Variants in JAKMIP1 observed in about 807,000 individuals in gnomAD.
JAKMIP1 encodes the protein janus kinase and microtubule interacting protein 1.
In JAKMIP1, 33 loss-of-function variants were observed where a neutral mutation model predicts 113.0. The observed-to-expected ratio is 0.29, with a 90% CI of 0.22 to 0.39. The LOEUF (loss-of-function observed/expected upper bound fraction) is 0.39, where lower values mean the gene tolerates loss of function less well. Among genes scored for constraint, JAKMIP1 ranks in the 10% least tolerant of loss-of-function variants. The probability of loss-of-function intolerance (pLI) is 1.00; values close to 1 mark genes in which losing one functional copy is unlikely to be tolerated. For synonymous variants in JAKMIP1, 480 were observed against 459.9 expected, an observed-to-expected ratio of 1.04 and a Z score of -0.56; for missense variants, 813 against 1,080.5, an observed-to-expected ratio of 0.75 and a Z score of 3.47.
chr4:6,161,181 C>T (rs1216863557), intron 1 of JAKMIP1, among the ~76,000 whole-genome samples: 1 of 147,908 alleles, frequency 6.8e-6, no homozygotes, highest in Admixed American at 6.7e-5. Flanking sequence ...TCTCCACTCA[C>T]CTCCCCTGAT....
In JAKMIP1 at chr4:6,150,438, T is replaced by C. The variant is rs1721429126; in HGVS notation, c.-147-37441A>G. On this transcript the variant is annotated intron_variant, in intron 1 of 20. Coordinates refer to ENST00000409021, the MANE Select transcript of JAKMIP1 (RefSeq NM_001099433.2). The surrounding 1 kb of genome is among the most constrained non-coding windows in gnomAD (Gnocchi z 4.8). ...GCTTCTCAAGGACAGTGTCCACGGT[T>C]CATCCACCTCTACGTCCCCAGGGCC... The C allele has an allele frequency of 6.6e-6, 1 of 152,252 alleles. No homozygotes were observed. 9.4% of individuals were successfully genotyped at this position (152,252 alleles called of 1,614,324 possible).
chr4:6,149,746 C>G (rs1425467682), intron 1 of JAKMIP1, among the ~76,000 whole-genome samples: 1 of 152,142 alleles, frequency 6.6e-6, no homozygotes. Context: ...GACCCCCCAC[C>G]AGCACAGAGC....
chr4:6,130,497 A>C (rs1480879904), intron 1 of JAKMIP1, among the ~76,000 whole-genome samples: 1 of 152,198 alleles, frequency 6.6e-6, no homozygotes, highest in Non-Finnish European at 1.5e-5. Flanking sequence ...GGCTCTCAAC[A>C]AAAAACATTC....
Position 6,050,503 on chromosome 4 carries a change from C to T in JAKMIP1, c.1908+75G>A. ...GAAAATCAATTCTATCCCAGCACTC[C>T]CCCTTTGCAGCTGAGCCGGGCACTG... On this transcript the variant is annotated intron_variant, in intron 14 of 20. Coordinates refer to ENST00000409021, the MANE Select transcript of JAKMIP1 (RefSeq NM_001099433.2). The surrounding 1 kb of genome is among the most constrained non-coding windows in gnomAD (Gnocchi z 7.4). The T allele has an allele frequency of 1.0e-6, 1 of 988,184 alleles. No individual in the cohort carries two copies. 61.2% of individuals were successfully genotyped at this position (988,184 alleles called of 1,614,324 possible).
At chr4:6,078,400 T>C (rs1199459106) in intron 8 of JAKMIP1, among the ~76,000 whole-genome samples, 1 of 136,978 alleles carries the variant, frequency 7.3e-6, no homozygotes, top group East Asian at 2.4e-4. Flanking sequence ...AGGCAAACTA[T>C]GCTTTTTTTT....
At position 6,094,555 on chromosome 4, in the gene JAKMIP1, T is replaced by C. The variant is rs950404003; in HGVS notation, c.625-8926A>G. Among the ~76,000 whole-genome samples the C allele has an allele frequency of 6.6e-6, 1 of 152,220 alleles. No homozygotes were observed. The highest frequency in any genetic ancestry group is 6.5e-5 in the Admixed American group (1 of 15,288). On this transcript the variant is annotated intron_variant, in intron 3 of 20. Transcript: ENST00000409021. The surrounding 1 kb of genome is among the most constrained non-coding windows in gnomAD (Gnocchi z 4.2). ...GCCTAGGCTGGTCCATCGGCCCCTG[T>C]TCTCCTAGTTGAGATCCTGAGGCCC...
intron 3 of JAKMIP1, among the ~76,000 whole-genome samples, chr4:6,087,973 C>T (rs562138832): frequency 2.2e-4 from 33 of 152,262 alleles, no homozygotes; most frequent in Admixed American, 9.2e-4. Flanking sequence ...GAGCACTGTC[C>T]CTTCCACAGG....
At chr4:6,159,725 A>T (rs1408820669) in intron 1 of JAKMIP1, among the ~76,000 whole-genome samples, 1 of 152,220 alleles carries the variant, frequency 6.6e-6, no homozygotes, top group East Asian at 1.9e-4. Context: ...TCTTGGGTAC[A>T]AACTGGCACA....
At chr4:6,090,860 G>A (rs537942381) in intron 3 of JAKMIP1, among the ~76,000 whole-genome samples, 1 of 149,706 alleles carries the variant, frequency 6.7e-6, no homozygotes, top group African/African-American at 2.5e-5. Flanking sequence ...TAACCATGAT[G>A]CCCTTAGAGT....
chr4:6,043,322 A>T (rs1714584503), intron 16 of JAKMIP1, among the ~76,000 whole-genome samples: 1 of 148,444 alleles, frequency 6.7e-6, no homozygotes, highest in Admixed American at 6.7e-5. Context: ...AGGCTCCCCC[A>T]GCTTCCTTGT....
At chr4:6,068,551 T>A (rs1396190346) in intron 8 of JAKMIP1, among the ~76,000 whole-genome samples, 1 of 113,678 alleles carries the variant, frequency 8.8e-6, no homozygotes, top group African/African-American at 3.2e-5. Flanking sequence ...TTTTAAAAAT[T>A]TTTTAACTTT....
In JAKMIP1 at chr4:6,139,779, AAAT is replaced by A. The variant is rs1719836960; in HGVS notation, c.-147-26785_-147-26783del. The stretch of plus-strand genomic sequence containing the variant: ...AGACTCCATCTCAAAATATAAAATA[AAAT>A]AAAATAAAATAAAATAAAATAAGGA... On this transcript the variant is annotated intron_variant, in intron 1 of 20. Transcript: ENST00000409021. The surrounding 1 kb of genome is among the most constrained non-coding windows in gnomAD (Gnocchi z 5.2). 6.7e-6 allele frequency among the ~76,000 whole-genome samples: 1 copy of A among 149,764 alleles called. No individual in the cohort carries two copies. The highest frequency in any genetic ancestry group is 2.4e-5 in the African/African-American group (1 of 40,944).
At chr4:6,169,230 T>C (rs1724030449) in intron 1 of JAKMIP1, among the ~76,000 whole-genome samples, 1 of 152,214 alleles carries the variant, frequency 6.6e-6, no homozygotes. Context: ...CAATCTCAGC[T>C]TGTGGCCATA....
chr4:6,156,652 GA>G lies in JAKMIP1; in HGVS notation c.-148+43600del, dbSNP rs1708818043. Reference sequence around the variant, plus strand: ...AAGGCTTTCATCTGTCTTCACCCAGGAAATGTCTGACAGCATCCGCTGAGAT... The same window carrying G: ...AAGGCTTTCATCTGTCTTCACCCAGGAATGTCTGACAGCATCCGCTGAGAT... On this transcript the variant is annotated intron_variant, in intron 1 of 20. Transcript: ENST00000409021. The surrounding 1 kb of genome is among the most constrained non-coding windows in gnomAD (Gnocchi z 5.0). Among the ~76,000 whole-genome samples, 1 of 152,196 alleles carries G rather than the reference GA, an allele frequency of 6.6e-6. No individual in the cohort carries two copies. Among genetic ancestry groups the G allele is most frequent in the Admixed American group, 6.5e-5 (1 of 15,286 alleles).
intron 3 of JAKMIP1, among the ~76,000 whole-genome samples, chr4:6,092,758 T>C (rs922687847): frequency 1.4e-4 from 21 of 152,160 alleles, no homozygotes; most frequent in Admixed American, 1.2e-3. Context: ...ATCACATGCA[T>C]GGGAGATAGA....
At chr4:6,091,170 G>T (rs746761842) in intron 3 of JAKMIP1, among the ~76,000 whole-genome samples, 5 of 152,196 alleles carry the variant, frequency 3.3e-5, no homozygotes, top group Non-Finnish European at 5.9e-5. Flanking sequence ...TAGGAGAAAT[G>T]AACGTTTGAT....
At chr4:6,198,388 G>T (rs1210004777) in intron 1 of JAKMIP1, among the ~76,000 whole-genome samples, 1 of 152,106 alleles carries the variant, frequency 6.6e-6, no homozygotes, top group East Asian at 1.9e-4. Context: ...GAGGCAGCAG[G>T]CGTGGCTGAG....
rs560333751 is a variant in JAKMIP1, at chr4:6,064,315, G to A, written c.1431+565C>T. 2.6e-5 allele frequency among the ~76,000 whole-genome samples: 4 copies of A among 152,218 alleles called. No homozygotes were observed. Among genetic ancestry groups the A allele is most frequent in the Non-Finnish European group, 5.9e-5 (4 of 68,030 alleles). On this transcript the variant is annotated intron_variant, in intron 9 of 20. Coordinates refer to ENST00000409021, the MANE Select transcript of JAKMIP1 (RefSeq NM_001099433.2). The surrounding 1 kb of genome is among the most constrained non-coding windows in gnomAD (Gnocchi z 4.3). Reference sequence around the variant, plus strand: ...ACGAAGCTGGTCTTTGCCCCCTCACGAATCCACCTTGCTCAAGAAGCTGGC... The same window carrying A: ...ACGAAGCTGGTCTTTGCCCCCTCACAAATCCACCTTGCTCAAGAAGCTGGC...
At chr4:6,104,647 C>G (rs1322674043) in intron 3 of JAKMIP1, among the ~76,000 whole-genome samples, 1 of 152,250 alleles carries the variant, frequency 6.6e-6, no homozygotes, top group Non-Finnish European at 1.5e-5. Context: ...AGCCTCCTGC[C>G]CCACACAGCT....
Sources: allele counts gnomAD v4.1 joint callset (sites outside exome capture counted in the v4.1 genomes callset), GRCh38; gene constraint gnomAD v4.1.1; non-coding constraint Gnocchi (gnomAD v3.1); transcripts MANE v1.5; gene names NCBI Gene and HGNC (gene_info 2026-07-23, HGNC 2026-07-21).